Variants in LRP1B observed in about 807,000 individuals in gnomAD.
The protein encoded by LRP1B is low-density lipoprotein receptor-related protein 1B.
Under a neutral mutation model 556.6 loss-of-function variants are expected in LRP1B, and 217 were observed. The observed-to-expected ratio is 0.39, with a 90% confidence interval of 0.35 to 0.44. The LOEUF is 0.44. Among genes scored for constraint, LRP1B ranks in the 20% least tolerant of loss-of-function variants. The pLI is 1.00. For synonymous variants in LRP1B, 2,047 were observed against 1,865.8 expected (o/e 1.10, Z -2.50); for missense variants, 5,053 against 5,620.8 (o/e 0.90, Z 3.23).
chr2:142,046,042 A>G (rs1240927682), intron 1 of LRP1B, among the ~76,000 whole-genome samples: 6 of 151,976 alleles, frequency 3.9e-5, no homozygotes, highest in Admixed American at 6.6e-5. Flanking sequence ...TTAAGCAAAC[A>G]AGGTGTAAAC....
intron 66 of LRP1B, among the ~76,000 whole-genome samples, chr2:140,399,419 T>C (rs1241866684): frequency 1.3e-5 from 2 of 152,178 alleles, no homozygotes; most frequent in South Asian, 2.1e-4. Context: ...ATTATTTCTT[T>C]TGTTTTCCTA....
intron 1 of LRP1B, among the ~76,000 whole-genome samples, chr2:142,119,156 A>G (rs916717674): frequency 6.6e-6 from 1 of 152,144 alleles, no homozygotes; most frequent in African/African-American, 2.4e-5. Flanking sequence ...ATCTCTTTTC[A>G]TTTTAACCTA....
At chr2:141,673,618 T>C (rs1435960522) in intron 2 of LRP1B, among the ~76,000 whole-genome samples, 1 of 152,138 alleles carries the variant, frequency 6.6e-6, no homozygotes, top group Non-Finnish European at 1.5e-5. Context: ...AGAACATTTT[T>C]TCACGGTTGT....
chr2:140,639,874 CT>C (rs1449639045), intron 41 of LRP1B, among the ~76,000 whole-genome samples: 1 of 152,154 alleles, frequency 6.6e-6, no homozygotes, highest in African/African-American at 2.4e-5. Context: ...GGCCCACTTG[CT>C]TTTCCTTGAT....
chr2:140,454,740 G>A (rs1418164891), intron 62 of LRP1B, among the ~76,000 whole-genome samples: 1 of 152,080 alleles, frequency 6.6e-6, no homozygotes, highest in Non-Finnish European at 1.5e-5. Flanking sequence ...TGTTGGCATT[G>A]GATAAACAGT....
intron 1 of LRP1B, among the ~76,000 whole-genome samples, chr2:142,091,367 G>T (rs1475614807): frequency 6.6e-6 from 1 of 152,036 alleles, no homozygotes; most frequent in African/African-American, 2.4e-5. Flanking sequence ...TTCTCTGTAT[G>T]TCTCATATAA....
At chr2:141,659,497 A>T (rs1690132498) in intron 2 of LRP1B, among the ~76,000 whole-genome samples, 1 of 152,144 alleles carries the variant, frequency 6.6e-6, no homozygotes, top group African/African-American at 2.4e-5. Context: ...GTCAGTGAAG[A>T]AAAGGAAACA....
At chr2:141,429,213 T>G (rs1476024811) in intron 3 of LRP1B, among the ~76,000 whole-genome samples, 2 of 152,176 alleles carry the variant, frequency 1.3e-5, no homozygotes, top group African/African-American at 4.8e-5. Flanking sequence ...TTAAAACAAT[T>G]AGACCCTTAC....
intron 2 of LRP1B, among the ~76,000 whole-genome samples, chr2:141,748,110 T>A (rs1693977656): frequency 6.6e-6 from 1 of 152,208 alleles, no homozygotes; most frequent in Non-Finnish European, 1.5e-5. Flanking sequence ...AGCTAATTTA[T>A]AATCTTAATG....
chr2:140,666,236 A>C (rs1685266236), intron 41 of LRP1B, among the ~76,000 whole-genome samples: 1 of 151,696 alleles, frequency 6.6e-6, no homozygotes, highest in East Asian at 1.9e-4. Context: ...CTCGTTATCT[A>C]TCTGACTTAG....
rs185063669 is a variant in LRP1B, at chr2:140,442,755, G to A, written c.10295-132C>T. 1.6e-4 allele frequency: 129 copies of A among 796,766 alleles called. No individual in the cohort carries two copies. In the African/African-American group the frequency reaches 2.0e-3, roughly 12 times the overall value. 49.4% of individuals were successfully genotyped at this position (796,766 alleles called of 1,614,324 possible). ...GTCTTTAAATTAATAGGACTCTGAA[G>A]GTGAGGAATTTTAACTTTTAATTCC... On this transcript the variant is annotated intron_variant, in intron 65 of 90. Transcript: ENST00000389484.
intron 1 of LRP1B, among the ~76,000 whole-genome samples, chr2:142,055,907 T>A (rs1357809920): frequency 6.6e-6 from 1 of 152,116 alleles, no homozygotes; most frequent in Non-Finnish European, 1.5e-5. Context: ...TCCTGGTACT[T>A]TGGGAGGCGG....
At chr2:141,943,424 G>A (rs1399867973) in intron 1 of LRP1B, among the ~76,000 whole-genome samples, 3 of 152,058 alleles carry the variant, frequency 2.0e-5, no homozygotes, top group Non-Finnish European at 4.4e-5. Context: ...TAAAATAAAT[G>A]GATTCACATT....
chr2:140,568,042 C>T (rs1251443789), intron 43 of LRP1B, among the ~76,000 whole-genome samples: 1 of 151,748 alleles, frequency 6.6e-6, no homozygotes, highest in African/African-American at 2.4e-5. Flanking sequence ...GAAGCACAGA[C>T]AACAAAGCAG....
chr2:142,128,206 T>C (rs958743884), intron 1 of LRP1B, among the ~76,000 whole-genome samples: 1 of 152,150 alleles, frequency 6.6e-6, no homozygotes, highest in Non-Finnish European at 1.5e-5. Flanking sequence ...CTTATGAATG[T>C]ATAAAGGAAA....
chr2:140,536,311 TAAA>T (rs70988404), intron 46 of LRP1B, among the ~76,000 whole-genome samples: 3 of 61,872 alleles, frequency 4.8e-5, no homozygotes, highest in Admixed American at 2.7e-4. Context: ...CCCGTCTCTT[TAAA>T]AAAAAAAAAA....
intron 1 of LRP1B, among the ~76,000 whole-genome samples, chr2:142,111,151 T>C (rs1331230117): frequency 6.6e-6 from 1 of 152,132 alleles, no homozygotes; most frequent in Admixed American, 6.6e-5. Flanking sequence ...AAAGTATGTA[T>C]GTAATAATAA....
At chr2:140,701,999 T>A in intron 39 of LRP1B, 142 bp downstream of exon 39, 1 of 1,291,906 alleles carries the variant, frequency 7.7e-7, no homozygotes, top group Non-Finnish European at 1.1e-6. Context: ...ATAGCAAGAG[T>A]ACCTGCCTTT....
chr2:141,694,065 G>A (rs922024208), intron 2 of LRP1B, among the ~76,000 whole-genome samples: 12 of 152,004 alleles, frequency 7.9e-5, no homozygotes, highest in African/African-American at 2.4e-4. Flanking sequence ...GCACAAGATC[G>A]CGGAATGTAA....
Sources: gnomAD v4.1 joint callset for allele counts (sites outside exome capture counted in the v4.1 genomes callset) on GRCh38, gnomAD v4.1.1 for gene constraint, MANE v1.5 for transcripts, NCBI Gene and HGNC (gene_info 2026-07-23, HGNC 2026-07-21) for gene names.